BMF: variants seen among roughly 807,000 people sequenced by gnomAD.
The protein encoded by BMF is Bcl2 modifying factor, also known as bcl-2-modifying factor.
In BMF, 10 loss-of-function variants were observed where a neutral mutation model predicts 22.0. The observed-to-expected ratio is 0.45, with a 90% CI of 0.28 to 0.77. The LOEUF is 0.77. Ranked by LOEUF, BMF falls within the 30% of genes least tolerant of loss-of-function variation. The probability of loss-of-function intolerance (pLI) is 0.13; values close to 1 mark genes in which losing one functional copy is unlikely to be tolerated. For missense variants in BMF, 206 were observed against 226.8 expected (o/e 0.91, Z 0.59); for synonymous variants, 87 against 88.1 (o/e 0.99, Z 0.07).
rs149837064 is a variant in BMF, at chr15:40,091,346, C to T, written c.*441G>A. 9 of 154,998 alleles carry T rather than the reference C, an allele frequency of 5.8e-5. No homozygotes were observed. In the East Asian group the frequency reaches 1.5e-3, roughly 26 times the overall value. 9.6% of individuals were successfully genotyped at this position (154,998 alleles called of 1,614,324 possible). ...AGCAATGTGACCATCAGGATCACGG[C>T]CCCCATCCACAGTGGAAGGCTCATA... On this transcript the variant is annotated 3_prime_UTR_variant, in exon 5 of 5. Transcript: ENST00000354670.
chr15:40,092,954 G>C (rs1360477743), intron 4 of BMF, among the ~76,000 whole-genome samples: 1 of 152,216 alleles, frequency 6.6e-6, no homozygotes, highest in East Asian at 1.9e-4. Flanking sequence ...GATTACTTCA[G>C]TGGCCCCGTC....
intron 4 of BMF, among the ~76,000 whole-genome samples, chr15:40,099,570 C>T (rs530860772): frequency 4.5e-4 from 68 of 152,052 alleles, no homozygotes; most frequent in South Asian, 3.3e-3. Context: ...CCTGAGGTCG[C>T]GAGTTCAAGA....
chr15:40,103,985 G>A (rs1474682382), intron 4 of BMF, among the ~76,000 whole-genome samples, 195 bp downstream of exon 4: 1 of 152,196 alleles, frequency 6.6e-6, no homozygotes, highest in East Asian at 1.9e-4. Flanking sequence ...GTTAACCAAT[G>A]TGGAGCTCAG....
chr15:40,092,488 C>T (rs1302114429), intron 4 of BMF, among the ~76,000 whole-genome samples: 1 of 152,122 alleles, frequency 6.6e-6, no homozygotes, highest in Non-Finnish European at 1.5e-5. Flanking sequence ...CTTGTGCGCC[C>T]GCCCGCTCTC....
intron 4 of BMF, among the ~76,000 whole-genome samples, chr15:40,103,413 G>C (rs2036518950): frequency 6.6e-6 from 1 of 152,238 alleles, no homozygotes; most frequent in East Asian, 1.9e-4. Flanking sequence ...ACCCAGCCCA[G>C]ACAGCGGCTG....
Position 40,104,354 on chromosome 15 carries a change from G to A in BMF, c.293-14C>T. On this transcript the variant is annotated splice_polypyrimidine_tract_variant and intron_variant, in intron 3 of 4. Transcript: ENST00000354670. ...AGCCAGCATTGCCTGCAAAGATAGAGGATCCACATCTCAGCATTCTCCACA... is the reference window on the plus strand; with the variant it reads ...AGCCAGCATTGCCTGCAAAGATAGAAGATCCACATCTCAGCATTCTCCACA... The A allele has an allele frequency of 6.2e-7, 1 of 1,613,626 alleles. No individual in the cohort carries two copies. The highest frequency in any genetic ancestry group is 1.1e-5 in the South Asian group (1 of 91,002).
intron 2 of BMF, among the ~76,000 whole-genome samples, chr15:40,107,215 T>C (rs1284559913): frequency 2.0e-5 from 3 of 152,160 alleles, no homozygotes; most frequent in Admixed American, 2.0e-4. Flanking sequence ...CAGCTAAGGA[T>C]AAAAAGAGAT....
rs540047744 is a variant in BMF, at chr15:40,095,201, A to G, written c.454-3313T>C. On this transcript the variant is annotated intron_variant, in intron 4 of 4. Transcript: ENST00000354670. Reference sequence around the variant, plus strand: ...CTTCTCCCGCCTCAGGGCAGCCCTCACAAGACCCTTTTCCATGAGGAAACC... The same window carrying G: ...CTTCTCCCGCCTCAGGGCAGCCCTCGCAAGACCCTTTTCCATGAGGAAACC... Among the ~76,000 whole-genome samples, 3 of 152,362 alleles carry G rather than the reference A, an allele frequency of 2.0e-5. No individual in the cohort carries two copies. The East Asian group carries it at 5.8e-4, about 29-fold the overall frequency.
Position 40,091,521 on chromosome 15 carries a change from C to G in BMF, c.*266G>C, listed in dbSNP as rs2036230255. ...AGTCGAAGAATCTACTTGTCAGAGC[C>G]CTTGGGAATTCTCACCATCACAGAC... On this transcript the variant is annotated 3_prime_UTR_variant, in exon 5 of 5. Transcript: ENST00000354670. The G allele has an allele frequency of 2.7e-6, 1 of 374,076 alleles. No homozygotes were observed. Among genetic ancestry groups the G allele is most frequent in the Non-Finnish European group, 4.8e-6 (1 of 207,476 alleles). 23.2% of individuals were successfully genotyped at this position (374,076 alleles called of 1,614,324 possible).
At position 40,090,807 on chromosome 15, in the gene BMF, G is replaced by A. The variant is rs78537933; in HGVS notation, c.*980C>T. ...AACCAAGGGGTCTGGGGTCCCCTAC[G>A]GCTGACTCTCATGGTAGGGTGGCCA... On this transcript the variant is annotated 3_prime_UTR_variant, in exon 5 of 5. Transcript: ENST00000354670. 0.017 allele frequency: 2,636 copies of A among 152,344 alleles called. 57 individuals are homozygous for A. The highest frequency in any genetic ancestry group is 0.081 in the East Asian group (422 of 5,178). The allele number at this position is 152,344 out of a possible 1,614,324, so 9.4% of individuals were successfully genotyped here. A position where few individuals can be genotyped will look rare whatever the true frequency, so the allele number is the denominator to read the frequency against.
At chr15:40,092,333 G>A (rs187823310) in intron 4 of BMF, among the ~76,000 whole-genome samples, 11 of 152,254 alleles carry the variant, frequency 7.2e-5, no homozygotes, top group African/African-American at 2.6e-4. Context: ...GAAAGGGGGG[G>A]CCTCCATCTG....
rs538140419 is a variant in BMF, at chr15:40,100,433, T to G, written c.453+3747A>C. On this transcript the variant is annotated intron_variant, in intron 4 of 4. Transcript: ENST00000354670. ...GGGGTCCCTGCCACAGTTTGTCAGC[T>G]CACAGAGGAGCAAACAGGGGAACCT... Among the ~76,000 whole-genome samples the G allele has an allele frequency of 1.4e-4, 22 of 152,306 alleles. No individual in the cohort carries two copies. In the East Asian group the frequency reaches 3.7e-3, roughly 25 times the overall value.
chr15:40,093,553 T>C (rs1480015611), intron 4 of BMF, among the ~76,000 whole-genome samples: 1 of 152,206 alleles, frequency 6.6e-6, no homozygotes, highest in African/African-American at 2.4e-5. Flanking sequence ...GCCTCCGGCC[T>C]GCAGCAGCTG....
intron 4 of BMF, among the ~76,000 whole-genome samples, chr15:40,103,944 G>A (rs1290354083): frequency 1.3e-5 from 2 of 152,202 alleles, no homozygotes; most frequent in Non-Finnish European, 2.9e-5. Flanking sequence ...TCCCGAGAGG[G>A]CTCTTATGGA....
At chr15:40,102,299 C>T (rs1404634633) in intron 4 of BMF, among the ~76,000 whole-genome samples, 4 of 151,404 alleles carry the variant, frequency 2.6e-5, no homozygotes, top group East Asian at 2.0e-4. Context: ...TGTGGTGGTG[C>T]GTGCCTATAA....
intron 4 of BMF, among the ~76,000 whole-genome samples, chr15:40,102,543 C>T (rs777829520): frequency 3.3e-5 from 5 of 152,208 alleles, no homozygotes; most frequent in East Asian, 1.9e-4. Context: ...GGAGGGCTCC[C>T]GGCCTATTCC....
At chr15:40,098,629 C>T (rs982583596) in intron 4 of BMF, among the ~76,000 whole-genome samples, 2 of 152,194 alleles carry the variant, frequency 1.3e-5, no homozygotes, top group African/African-American at 4.8e-5. Flanking sequence ...CCTTCACACA[C>T]GGACTGATTG....
chr15:40,101,348 T>A (rs1025175237), intron 4 of BMF, among the ~76,000 whole-genome samples: 1 of 152,192 alleles, frequency 6.6e-6, no homozygotes, highest in Non-Finnish European at 1.5e-5. Flanking sequence ...CACAGTAAAA[T>A]TCTGTGGTAT....
At chr15:40,097,251 A>G (rs549538056) in intron 4 of BMF, among the ~76,000 whole-genome samples, 2 of 127,322 alleles carry the variant, frequency 1.6e-5, no homozygotes, top group East Asian at 2.3e-4. Context: ...GAGCTACCAA[A>G]CACCTGAGCT....
Sources: gnomAD v4.1 joint callset for allele counts (sites outside exome capture counted in the v4.1 genomes callset) on GRCh38, gnomAD v4.1.1 for gene constraint, MANE v1.5 for transcripts, NCBI Gene and HGNC (gene_info 2026-07-23, HGNC 2026-07-21) for gene names.